RGS7: variants seen among roughly 807,000 people sequenced by gnomAD.
RGS7 encodes the protein regulator of G-protein signaling 7.
RGS7 carries 27 observed loss-of-function variants against 81.1 expected under a neutral mutation model. The ratio of observed to expected loss-of-function variants is 0.33; its 90% CI spans 0.25 to 0.46. RGS7 has a LOEUF of 0.46. RGS7 is among the 20% of genes least tolerant of loss of function. RGS7 has a pLI of 1.00. For missense variants in RGS7, 396 were observed against 607.4 expected (o/e 0.65, Z 3.66); for synonymous variants, 208 against 207.7 (o/e 1.00, Z -0.01).
At chr1:240,947,645 A>G (rs192699298) in intron 4 of RGS7, among the ~76,000 whole-genome samples, 20 of 152,204 alleles carry the variant, frequency 1.3e-4, no homozygotes, top group Non-Finnish European at 2.5e-4. Context: ...GTCCAACCTC[A>G]TATCATCCTG....
At chr1:241,341,704 T>C (rs532431167) in intron 2 of RGS7, among the ~76,000 whole-genome samples, 7 of 152,086 alleles carry the variant, frequency 4.6e-5, no homozygotes, top group Non-Finnish European at 8.8e-5. Flanking sequence ...TCTTTGCTCA[T>C]TTAATCACCA....
intron 3 of RGS7, among the ~76,000 whole-genome samples, chr1:241,042,955 C>CAA (rs1322600643): frequency 6.2e-5 from 5 of 80,084 alleles, no homozygotes; most frequent in African/African-American, 8.3e-5. Context: ...TACTCCGTCT[C>CAA]AAAAAAAAAA....
intron 2 of RGS7, among the ~76,000 whole-genome samples, chr1:241,136,450 G>T (rs1285803100): frequency 2.6e-5 from 4 of 152,266 alleles, no homozygotes; most frequent in African/African-American, 9.6e-5. Context: ...GGAGATAAGG[G>T]GGGGGATGTT....
At chr1:241,171,316 A>C (rs1051901198) in intron 2 of RGS7, among the ~76,000 whole-genome samples, 1 of 152,222 alleles carries the variant, frequency 6.6e-6, no homozygotes, top group Admixed American at 6.5e-5. Flanking sequence ...AGTGGTCTCT[A>C]AAGTTTTTTC....
chr1:241,176,993 G>A (rs1381453959), intron 2 of RGS7, among the ~76,000 whole-genome samples: 2 of 152,170 alleles, frequency 1.3e-5, no homozygotes, highest in African/African-American at 4.8e-5. Context: ...CACGCATGGA[G>A]CAAAACTGTT....
rs1491202997 is a variant in RGS7 at position 241,130,944 on chromosome 1, A to AAAAAAAAAAAC, written c.79-32183_79-32182insGTTTTTTTTTT. ...CTTAATTACAAAAAAAAAAAAAAAA[A>AAAAAAAAAAAC]ACCAAGAGGCCAGATAATTCTACTC... On this transcript the variant is annotated intron_variant, in intron 2 of 18. Coordinates refer to ENST00000440928, the MANE Select transcript of RGS7 (RefSeq NM_001364886.1). 5.7e-3 allele frequency among the ~76,000 whole-genome samples: 855 copies of AAAAAAAAAAAC among 149,920 alleles called. 13 individuals are homozygous for AAAAAAAAAAAC. The highest frequency in any genetic ancestry group is 0.02 in the African/African-American group (807 of 39,550).
intron 2 of RGS7, among the ~76,000 whole-genome samples, chr1:241,254,542 G>T (rs2076976959): frequency 6.6e-6 from 1 of 152,066 alleles, no homozygotes; most frequent in African/African-American, 2.4e-5. Context: ...ATCTTCTAAG[G>T]ATACTAATCC....
intron 2 of RGS7, among the ~76,000 whole-genome samples, chr1:241,272,731 C>T (rs1054621524): frequency 1.3e-4 from 20 of 152,244 alleles, no homozygotes; most frequent in Non-Finnish European, 2.4e-4. Context: ...CTCAAGTAGC[C>T]TTTTTCATTT....
intron 15 of RGS7, among the ~76,000 whole-genome samples, chr1:240,805,128 ACT>A (rs1021504379): frequency 3.3e-5 from 5 of 152,134 alleles, no homozygotes; most frequent in African/African-American, 1.2e-4. Context: ...TAATCCCAGC[ACT>A]CTGAGAGGCT....
chr1:241,200,672 C>G (rs2073434792), intron 2 of RGS7, among the ~76,000 whole-genome samples: 1 of 152,202 alleles, frequency 6.6e-6, no homozygotes, highest in East Asian at 1.9e-4. Context: ...CCAAAACCGT[C>G]TTCCTAAAGC....
intron 2 of RGS7, among the ~76,000 whole-genome samples, chr1:241,173,513 G>A (rs545024993): frequency 1.3e-5 from 2 of 152,224 alleles, no homozygotes; most frequent in Middle Eastern, 3.4e-3. Context: ...TGCCAAACAC[G>A]GTGGCTCATA....
At chr1:240,951,135 G>C (rs1010245808) in intron 4 of RGS7, among the ~76,000 whole-genome samples, 2 of 152,108 alleles carry the variant, frequency 1.3e-5, no homozygotes, top group Admixed American at 1.3e-4. Flanking sequence ...GCCCAGTCTG[G>C]TCTTGAACTC....
In RGS7 at chr1:241,291,928, C is replaced by G. The variant is rs73123927; in HGVS notation, c.78+63771G>C. Among the ~76,000 whole-genome samples, 557 of 152,290 alleles carry G rather than the reference C, an allele frequency of 3.7e-3. 2 individuals are homozygous for G. The highest frequency in any genetic ancestry group is 0.013 in the African/African-American group (527 of 41,558). ...AGGAGCTTTCCATCTGTAGTACAATCACCGAACAAGCCAGAAACTGTGTCA... is the reference window on the plus strand; with the variant it reads ...AGGAGCTTTCCATCTGTAGTACAATGACCGAACAAGCCAGAAACTGTGTCA... On this transcript the variant is annotated intron_variant, in intron 2 of 18. Coordinates refer to ENST00000440928, the MANE Select transcript of RGS7 (RefSeq NM_001364886.1).
chr1:241,033,588 C>A (rs2060192625), intron 3 of RGS7, among the ~76,000 whole-genome samples: 1 of 151,372 alleles, frequency 6.6e-6, no homozygotes, highest in African/African-American at 2.4e-5. Flanking sequence ...TTTTTTACTG[C>A]CCTTTACTAT....
chr1:241,223,487 C>T (rs754411835), intron 2 of RGS7, among the ~76,000 whole-genome samples: 7 of 151,950 alleles, frequency 4.6e-5, no homozygotes, highest in Non-Finnish European at 7.4e-5. Flanking sequence ...AAATTGTGTT[C>T]AGAGAGGAGC....
intron 2 of RGS7, among the ~76,000 whole-genome samples, chr1:241,314,534 T>C (rs567552541): frequency 3.3e-5 from 5 of 152,378 alleles, no homozygotes; most frequent in Admixed American, 2.0e-4. Flanking sequence ...AAAGAATTTG[T>C]GTGGCTCGCT....
At chr1:241,339,277 C>A (rs1006981205) in intron 2 of RGS7, among the ~76,000 whole-genome samples, 1 of 152,216 alleles carries the variant, frequency 6.6e-6, no homozygotes, top group Non-Finnish European at 1.5e-5. Context: ...CTTTCTTTAT[C>A]CAGTCTATCA....
intron 18 of RGS7, among the ~76,000 whole-genome samples, chr1:240,795,250 T>C (rs1686837637): frequency 1.3e-5 from 2 of 151,698 alleles, no homozygotes; most frequent in African/African-American, 2.4e-5. Context: ...AAAAATCATT[T>C]GACCAGGGAC....
At chr1:241,309,110 G>C (rs1341667160) in intron 2 of RGS7, among the ~76,000 whole-genome samples, 2 of 152,114 alleles carry the variant, frequency 1.3e-5, no homozygotes, top group African/African-American at 4.8e-5. Flanking sequence ...AATAAGTCCA[G>C]GCGCGGTGGC....
Sources: allele counts gnomAD v4.1 joint callset (sites outside exome capture counted in the v4.1 genomes callset), GRCh38; gene constraint gnomAD v4.1.1; transcripts MANE v1.5; gene names NCBI Gene and HGNC (gene_info 2026-07-23, HGNC 2026-07-21).